The following CACNA2D3 variants were observed in gnomAD, a reference collection of about 807,000 sequenced individuals.
CACNA2D3 encodes calcium voltage-gated channel auxiliary subunit alpha2delta 3, also known as voltage-dependent calcium channel subunit alpha-2/delta-3.
A neutral mutation model predicts 160.6 loss-of-function variants in CACNA2D3; 60 were observed. The ratio of observed to expected loss-of-function variants is 0.37; its 90% confidence interval spans 0.30 to 0.46. The LOEUF is 0.46. CACNA2D3 is among the 20% of genes least tolerant of loss of function. The pLI is 1.00. For missense variants in CACNA2D3, 1,205 were observed against 1,365.0 expected, an observed-to-expected ratio of 0.88 and a Z score of 1.85; for synonymous variants, 558 against 492.9, an observed-to-expected ratio of 1.13 and a Z score of -1.75.
At chr3:54,205,314 A>G (rs1296059612) in intron 2 of CACNA2D3, among the ~76,000 whole-genome samples, 4 of 152,080 alleles carry the variant, frequency 2.6e-5, no homozygotes, top group Non-Finnish European at 1.5e-5. Flanking sequence ...GCTGGTCTCG[A>G]ACTCCTGACC....
chr3:55,034,980 T>A (rs747631149), intron 35 of CACNA2D3, among the ~76,000 whole-genome samples: 13 of 152,174 alleles, frequency 8.5e-5, no homozygotes, highest in South Asian at 2.1e-4. Context: ...CATTTTTTTT[T>A]ATTTCTTTCT....
chr3:54,229,285 G>A (rs550876332), intron 2 of CACNA2D3, among the ~76,000 whole-genome samples: 4 of 151,916 alleles, frequency 2.6e-5, no homozygotes, highest in African/African-American at 4.8e-5. Context: ...TCTGCCGCCC[G>A]GATTCATGCC....
intron 2 of CACNA2D3, among the ~76,000 whole-genome samples, chr3:54,216,896 C>T (rs778393029): frequency 3.9e-5 from 6 of 152,122 alleles, no homozygotes; most frequent in Non-Finnish European, 8.8e-5. Context: ...GCCAGGGCCC[C>T]TTATTTTGTG....
Position 55,021,491 on chromosome 3 carries a change from A to G in CACNA2D3, c.2987+3174A>G, listed in dbSNP as rs188078300. Among the ~76,000 whole-genome samples, 12 of 149,764 alleles carry G rather than the reference A, an allele frequency of 8.0e-5. No individual in the cohort carries two copies. In the East Asian group the frequency reaches 2.0e-3, roughly 25 times the overall value. ...TTACATTGTTTTTTTATTTTCTAAC[A>G]TTTTGTCTTTGATGCTTAGCTTTTC... On this transcript the variant is annotated intron_variant, in intron 35 of 37. Transcript: ENST00000474759.
rs763853628 is a variant in CACNA2D3, at chr3:55,037,288, G to A, written c.2987+18971G>A. Among the ~76,000 whole-genome samples, 3 of 152,316 alleles carry A rather than the reference G, an allele frequency of 2.0e-5. No individual in the cohort carries two copies. In the South Asian group the frequency reaches 6.2e-4, roughly 32 times the overall value. On this transcript the variant is annotated intron_variant, in intron 35 of 37. Coordinates refer to ENST00000474759, the MANE Select transcript of CACNA2D3 (RefSeq NM_018398.3). ...ATTGTGTGTTCTGGGCCACGATTAG[G>A]AGATGTGGTTAAAACACAACTGGCT...
chr3:54,452,942 A>C (rs953009919), intron 4 of CACNA2D3, among the ~76,000 whole-genome samples: 7 of 151,128 alleles, frequency 4.6e-5, no homozygotes, highest in African/African-American at 1.7e-4. Flanking sequence ...CTGTGTTTCT[A>C]TGTCTTCTTT....
chr3:54,721,542 C>A (rs1257473469), intron 11 of CACNA2D3, among the ~76,000 whole-genome samples: 1 of 152,016 alleles, frequency 6.6e-6, no homozygotes, highest in African/African-American at 2.4e-5. Flanking sequence ...AGGTGGATCA[C>A]CTGAGGTCAG....
At chr3:54,764,415 C>T in intron 13 of CACNA2D3, 64 bp downstream of exon 13, 10 of 1,578,982 alleles carry the variant, frequency 6.3e-6, no homozygotes, top group Non-Finnish European at 8.7e-6. Flanking sequence ...TGTGTTAATT[C>T]CAGAAAATAG....
chr3:54,752,671 A>C lies in CACNA2D3; in HGVS notation c.1240A>C (p.Asn414His). The C allele has an allele frequency of 6.2e-7, 1 of 1,612,174 alleles. No homozygotes were observed. The highest frequency in any genetic ancestry group is 8.5e-7 in the Non-Finnish European group (1 of 1,179,006). Residue 414 changes from asparagine (N) to histidine (H), a missense_variant, in exon 12 of 38, where the codon AAC becomes CAC. Asn to His is a moderately conservative substitution (Grantham distance 68). Coordinates refer to ENST00000474759, the MANE Select transcript of CACNA2D3 (RefSeq NM_018398.3). ...CAATCTAAAGTGGATGGCCTGTGCC[A>C]ACAAAGGTGGGTCTTCGCATTGTGC... is the stretch of plus-strand genomic sequence containing the variant. ...ADNLKWMACA[N>H]KGFFTQISTL...
chr3:54,884,404 T>C (rs1227280637), intron 21 of CACNA2D3, among the ~76,000 whole-genome samples: 1 of 152,216 alleles, frequency 6.6e-6, no homozygotes, highest in Non-Finnish European at 1.5e-5. Context: ...AATTGTGTGA[T>C]AGGTCTAGTA....
chr3:54,708,215 T>G (rs1700891287), intron 11 of CACNA2D3, among the ~76,000 whole-genome samples: 1 of 152,238 alleles, frequency 6.6e-6, no homozygotes, highest in Non-Finnish European at 1.5e-5. Flanking sequence ...TAATCCATTC[T>G]AATTCACTGG....
chr3:54,390,329 G>A (rs1040776098), intron 4 of CACNA2D3, among the ~76,000 whole-genome samples: 1 of 152,182 alleles, frequency 6.6e-6, no homozygotes, highest in African/African-American at 2.4e-5. Context: ...AATTCCCTCT[G>A]TCAAAGAGGG....
chr3:54,944,530 C>A (rs935764586), intron 27 of CACNA2D3, among the ~76,000 whole-genome samples: 14 of 152,034 alleles, frequency 9.2e-5, no homozygotes, highest in Admixed American at 5.9e-4. Flanking sequence ...ACGCCATTCC[C>A]CTGCGTCAGC....
At chr3:54,123,734 T>C (rs1200343740) in intron 2 of CACNA2D3, 140 bp downstream of exon 2, 6 of 711,412 alleles carry the variant, frequency 8.4e-6, no homozygotes, top group Non-Finnish European at 1.3e-5. Flanking sequence ...CTTGGCATTG[T>C]ACTATGCAGT....
Position 54,166,035 on chromosome 3 carries a change from G to A in CACNA2D3, c.204+42441G>A, listed in dbSNP as rs200892143. 6.6e-5 allele frequency among the ~76,000 whole-genome samples: 10 copies of A among 152,294 alleles called. No individual in the cohort carries two copies. The East Asian group carries it at 1.9e-3, about 29-fold the overall frequency. ...CAATAAGAGAGGAGCCCAGACATGG[G>A]AAGAGTACAGCTGTGTGCCTGAAAT... On this transcript the variant is annotated intron_variant, in intron 2 of 37. Coordinates refer to ENST00000474759, the MANE Select transcript of CACNA2D3 (RefSeq NM_018398.3).
intron 29 of CACNA2D3, among the ~76,000 whole-genome samples, chr3:54,983,820 A>G (rs1257665243): frequency 1.3e-5 from 2 of 152,248 alleles, no homozygotes; most frequent in East Asian, 3.8e-4. Flanking sequence ...AGCTGTAATA[A>G]ATAGAAACTG....
intron 35 of CACNA2D3, among the ~76,000 whole-genome samples, chr3:55,045,679 T>C (rs548094923): frequency 6.6e-6 from 1 of 152,320 alleles, no homozygotes; most frequent in East Asian, 1.9e-4. Flanking sequence ...TTATGAGCAT[T>C]GTTTTGATTG....
chr3:54,642,769 C>A (rs1009979245), intron 11 of CACNA2D3, among the ~76,000 whole-genome samples: 6 of 152,132 alleles, frequency 3.9e-5, no homozygotes, highest in Non-Finnish European at 2.9e-5. Context: ...CAGTTATTAA[C>A]CTTTTGAGGC....
intron 35 of CACNA2D3, among the ~76,000 whole-genome samples, chr3:55,064,130 C>G (rs1456124818): frequency 6.6e-6 from 1 of 152,212 alleles, no homozygotes; most frequent in Non-Finnish European, 1.5e-5. Context: ...CAGGGCTTCT[C>G]CCTCCCACTA....
Sources: allele counts gnomAD v4.1 joint callset (sites outside exome capture counted in the v4.1 genomes callset), GRCh38; gene constraint gnomAD v4.1.1; transcripts MANE v1.5; gene names NCBI Gene and HGNC (gene_info 2026-07-23, HGNC 2026-07-21).